Variants in VARS2 observed in about 807,000 individuals in gnomAD.
VARS2 encodes the protein valine--tRNA ligase, mitochondrial.
In VARS2, 105 loss-of-function variants were observed where a neutral mutation model predicts 154.1. That is an observed-to-expected ratio of 0.68 (90% confidence interval 0.58 to 0.80). The LOEUF is 0.80. Among genes scored for constraint, VARS2 ranks in the 30% least tolerant of loss-of-function variants. VARS2 has a pLI of 0.00. For missense variants in VARS2, 1,157 were observed against 1,361.4 expected, an observed-to-expected ratio of 0.85 and a Z score of 2.36; for synonymous variants, 483 against 539.5, an observed-to-expected ratio of 0.90 and a Z score of 1.45.
In VARS2 at chr6:30,922,958, T is replaced by C. The variant is rs1206693303; in HGVS notation, c.2167T>C (p.Cys723Arg). The C allele has an allele frequency of 1.2e-6, 2 of 1,610,472 alleles. No homozygotes were observed. The highest frequency in any genetic ancestry group is 1.3e-5 in the African/African-American group (1 of 74,900). Residue 723 changes from cysteine (C) to arginine (R), a missense_variant, in exon 23 of 30, where the codon TGC (cysteine) becomes CGC (arginine). Transcript: ENST00000676266. ...GACAGATGCCCTGAGATTCACACTC[T>C]GCTCCCATGGAGTTCAGGGTAAGCC... The part of the protein sequence containing the change: ...CGTDALRFTL[C>R]SHGVQAGDLH...
chr6:30,920,752 G>A lies in VARS2; in HGVS notation c.1479+3G>A. ...AAATGGGGGCCCGAGCTGCCAAGGT[G>A]AGGCTGCAGTGTAGGAAGGACTGGG... On this transcript the variant is annotated splice_donor_region_variant and intron_variant, in intron 15 of 29. Coordinates refer to ENST00000676266, the MANE Select transcript of VARS2 (RefSeq NM_020442.6). This position sits in a 1 kb window ranked among gnomAD's most constrained non-coding sequence, Gnocchi z 4.6. The A allele has an allele frequency of 1.9e-6, 3 of 1,586,372 alleles. No homozygotes were observed. The highest frequency in any genetic ancestry group is 2.6e-6 in the Non-Finnish European group (3 of 1,167,126).
Position 30,921,696 on chromosome 6 carries a change from G to T in VARS2, c.1735+5G>T, listed in dbSNP as rs1794525084. The T allele has an allele frequency of 6.3e-7, 1 of 1,599,790 alleles. No individual in the cohort carries two copies. The highest frequency in any genetic ancestry group is 2.2e-5 in the East Asian group (1 of 44,526). On this transcript the variant is annotated splice_donor_5th_base_variant and intron_variant, in intron 18 of 29. Coordinates refer to ENST00000676266, the MANE Select transcript of VARS2 (RefSeq NM_020442.6). This position sits in a 1 kb window ranked among gnomAD's most constrained non-coding sequence, Gnocchi z 4.6. ...CAGAGCTGACCCTGGAGAGGGGTGA[G>T]TGCCTGAGCTGGGGAGGGATGTACA...
In VARS2 at chr6:30,919,821, T is replaced by C; in HGVS notation, c.1138T>C (p.Tyr380His). The C allele has an allele frequency of 2.5e-6, 4 of 1,592,256 alleles. No homozygotes were observed. Among genetic ancestry groups the C allele is most frequent in the Non-Finnish European group, 8.6e-7 (1 of 1,164,982 alleles). ...MGQPLPLITD[Y>H]AVQPHVGTGA... ...GCAGCCTCTTCCCCTCATCACAGAC[T>C]ATGCTGTTCAGCCACATGTGGGCAC... is the stretch of plus-strand genomic sequence containing the variant. Residue 380 changes from tyrosine to histidine, a missense_variant, in exon 12 of 30, where the codon TAT (tyrosine) becomes CAT (histidine). Coordinates refer to ENST00000676266, the MANE Select transcript of VARS2 (RefSeq NM_020442.6). This position sits in a 1 kb window ranked among gnomAD's most constrained non-coding sequence, Gnocchi z 4.5.
rs374646292 is a variant in VARS2, at chr6:30,921,729, G to A, written c.1735+38G>A. On this transcript the variant is annotated intron_variant, in intron 18 of 29. Transcript: ENST00000676266. This position sits in a 1 kb window ranked among gnomAD's most constrained non-coding sequence, Gnocchi z 4.6. The stretch of plus-strand genomic sequence containing the variant: ...GCTGGGGAGGGATGTACAGGGGAGC[G>A]GGGGCCTGGGCATCTGGGCCTTTGA... The A allele has an allele frequency of 3.5e-5, 54 of 1,564,294 alleles. No homozygotes were observed. In the African/African-American group the frequency reaches 4.8e-4, roughly 14 times the overall value.
chr6:30,920,941 C>T lies in VARS2; in HGVS notation c.1480-124C>T, dbSNP rs897520626. The T allele has an allele frequency of 1.6e-6, 2 of 1,236,014 alleles. No individual in the cohort carries two copies. Among genetic ancestry groups the T allele is most frequent in the African/African-American group, 3.1e-5 (2 of 65,266 alleles). 76.6% of individuals were successfully genotyped at this position (1,236,014 alleles called of 1,614,324 possible). On this transcript the variant is annotated intron_variant, in intron 15 of 29. Coordinates refer to ENST00000676266, the MANE Select transcript of VARS2 (RefSeq NM_020442.6). The surrounding 1 kb of genome is among the most constrained non-coding windows in gnomAD (Gnocchi z 4.6). ...TCATATCCTTACTCAAGCCCAGAAT[C>T]TTGGCAAGAGGCTTGGGAGGTCCTT...
chr6:30,917,170 C>G lies in VARS2; in HGVS notation c.819C>G (p.Asn273Lys), dbSNP rs1187783563. 3 of 1,614,050 alleles carry G rather than the reference C, an allele frequency of 1.9e-6. No individual in the cohort carries two copies. The highest frequency in any genetic ancestry group is 2.5e-6 in the Non-Finnish European group (3 of 1,180,038). The part of the protein sequence containing the change: ...RLYKAGLLYR[N>K]HQLVNWSCAL... The stretch of plus-strand genomic sequence containing the variant: ...ACAAGGCGGGGTTGCTGTACCGGAA[C>G]CATCAGCTTGTCAACTGGTCATGTG... The change falls in exon 9 of 30, where the codon AAC becomes AAG. Residue 273 changes from asparagine (N) to lysine (K), a missense_variant. Asn to Lys is a moderately conservative substitution (Grantham distance 94, BLOSUM62 0). Coordinates refer to ENST00000676266, the MANE Select transcript of VARS2 (RefSeq NM_020442.6). This position sits in a 1 kb window ranked among gnomAD's most constrained non-coding sequence, Gnocchi z 4.4.
At chr6:30,925,246 G>A in intron 26 of VARS2, 28 bp from the exon 27 acceptor site, 1 of 1,585,862 alleles carries the variant, frequency 6.3e-7, no homozygotes, top group Non-Finnish European at 8.6e-7. Flanking sequence ...GAGCCCCTTT[G>A]CCAATTCTGG....
chr6:30,920,610 C>T lies in VARS2; in HGVS notation c.1398-58C>T. 1 of 1,424,300 alleles carries T rather than the reference C, an allele frequency of 7.0e-7. No homozygotes were observed. Among genetic ancestry groups the T allele is most frequent in the Non-Finnish European group, 9.5e-7 (1 of 1,054,748 alleles). 88.2% of individuals were successfully genotyped at this position (1,424,300 alleles called of 1,614,324 possible). ...GCCTGGCATGGCATGGGGTCTTGTG[C>T]CCCTGGGAGAAGTCACAGGGCCGGA... is the stretch of plus-strand genomic sequence containing the variant. On this transcript the variant is annotated intron_variant, in intron 14 of 29. Transcript: ENST00000676266. The surrounding 1 kb of genome is among the most constrained non-coding windows in gnomAD (Gnocchi z 4.6).
At position 30,915,746 on chromosome 6, in the gene VARS2, G is replaced by T; in HGVS notation, c.385G>T (p.Ala129Ser). The part of the protein sequence containing the change: ...REGFFKPEYQ[A>S]RLPQATGETF... ...CCTTTGACTTTTTTTCTTCCTCTAG[G>T]CCCGGCTGCCCCAAGCTACAGGGGA... The change falls in exon 5 of 30, where the codon GCC (alanine) becomes TCC (serine). Residue 129 changes from alanine to serine, a missense_variant and splice_region_variant. Coordinates refer to ENST00000676266, the MANE Select transcript of VARS2 (RefSeq NM_020442.6). 6.2e-7 allele frequency: 1 copy of T among 1,612,980 alleles called. No individual in the cohort carries two copies. Among genetic ancestry groups the T allele is most frequent in the Non-Finnish European group, 8.5e-7 (1 of 1,179,942 alleles).
Position 30,917,906 on chromosome 6 carries a change from A to G in VARS2, c.985+100A>G, listed in dbSNP as rs1339264871. 4 of 1,250,642 alleles carry G rather than the reference A, an allele frequency of 3.2e-6. No individual in the cohort carries two copies. In the Admixed American group the frequency reaches 6.4e-5, roughly 20 times the overall value. 77.5% of individuals were successfully genotyped at this position (1,250,642 alleles called of 1,614,324 possible). A position where few individuals can be genotyped will look rare whatever the true frequency, so the allele number is the denominator to read the frequency against. The stretch of plus-strand genomic sequence containing the variant: ...AGGAACCCATCAGTCCATCTCTCAC[A>G]TGTACCTTGGTAGTGTTCACCTCAG... On this transcript the variant is annotated intron_variant, in intron 10 of 29. Coordinates refer to ENST00000676266, the MANE Select transcript of VARS2 (RefSeq NM_020442.6). This position sits in a 1 kb window ranked among gnomAD's most constrained non-coding sequence, Gnocchi z 4.4.
In VARS2 at chr6:30,921,121, G is replaced by A. The variant is rs1483348883; in HGVS notation, c.1536G>A (p.Gln512=). Reference sequence around the variant, plus strand: ...CCTCCTTCCACCAGAAGAACTGGCAGCACTGGTTTTCCCATATTGGGTAAG... The same window carrying A: ...CCTCCTTCCACCAGAAGAACTGGCAACACTGGTTTTCCCATATTGGGTAAG... The part of the protein sequence containing the change: ...LSPSFHQKNW[Q]HWFSHIGDWC... Residue 512 remains glutamine (Q), a synonymous_variant, in exon 16 of 30, where the codon CAG becomes CAA. Coordinates refer to ENST00000676266, the MANE Select transcript of VARS2 (RefSeq NM_020442.6). This position sits in a 1 kb window ranked among gnomAD's most constrained non-coding sequence, Gnocchi z 4.6. 1 of 1,614,014 alleles carries A rather than the reference G, an allele frequency of 6.2e-7. No homozygotes were observed. The highest frequency in any genetic ancestry group is 1.1e-5 in the South Asian group (1 of 91,054).
chr6:30,923,613 A>T, intron 25 of VARS2, 108 bp downstream of exon 25: 1 of 1,470,762 alleles, frequency 6.8e-7, no homozygotes, highest in African/African-American at 1.4e-5. Flanking sequence ...TTGTCCCCTC[A>T]GTTAGGAGAG....
In VARS2 at chr6:30,923,228, G is replaced by A. The variant is rs1303749131; in HGVS notation, c.2310G>A (p.Glu770=). 3 of 1,613,128 alleles carry A rather than the reference G, an allele frequency of 1.9e-6. No individual in the cohort carries two copies. Among genetic ancestry groups the A allele is most frequent in the Admixed American group, 1.7e-5 (1 of 60,028 alleles). Residue 770 remains glutamate (E), a synonymous_variant, in exon 24 of 30, where the codon GAG becomes GAA. Transcript: ENST00000676266. ...LGEKFVPQPA[E]ELSPSSPMDA... ...AGAAATTTGTGCCACAGCCTGCTGA[G>A]GAGGTAAGAGAAAACAGAGGTGCTT...
Position 30,922,003 on chromosome 6 carries a change from G to A in VARS2, c.1806+8G>A, listed in dbSNP as rs1387548277. The A allele has an allele frequency of 1.9e-6, 3 of 1,612,978 alleles. No individual in the cohort carries two copies. Among genetic ancestry groups the A allele is most frequent in the Non-Finnish European group, 2.5e-6 (3 of 1,179,994 alleles). On this transcript the variant is annotated splice_region_variant and intron_variant, in intron 19 of 29. Coordinates refer to ENST00000676266, the MANE Select transcript of VARS2 (RefSeq NM_020442.6). ...CTGGGCTGGCCCCAAGAGGTGAGGT[G>A]GGTTGAGAGGGCGAAAGTGAAGGGG... is the stretch of plus-strand genomic sequence containing the variant.
chr6:30,915,896 TC>T, intron 5 of VARS2, 29 bp downstream of exon 5: 8 of 1,613,974 alleles, frequency 5.0e-6, no homozygotes, highest in Non-Finnish European at 6.8e-6. Flanking sequence ...CTGCTTGAGT[TC>T]TTGGAAGGGA....
At chr6:30,918,801 G>A in intron 10 of VARS2, 26 bp from the exon 11 acceptor site, 1 of 1,607,150 alleles carries the variant, frequency 6.2e-7, no homozygotes, top group African/African-American at 1.3e-5. Context: ...ATGACCAGCT[G>A]TAAGTGTTTA....
In VARS2 at chr6:30,925,305, G is replaced by T. The variant is rs183762975; in HGVS notation, c.2705G>T (p.Arg902Leu). Residue 902 changes from arginine to leucine, a missense_variant, in exon 27 of 30, where the codon CGC becomes CTC. Physicochemically the swap from Arg to Leu is moderately radical, Grantham distance 102. Coordinates refer to ENST00000676266, the MANE Select transcript of VARS2 (RefSeq NM_020442.6). ...EHWRQPELER[R>L]FSRVQEVVQV... Reference sequence around the variant, plus strand: ...TGGCGCCAGCCAGAGCTGGAGCGGCGCTTCTCCCGGGTCCAAGAGGTCGTG... The same window carrying T: ...TGGCGCCAGCCAGAGCTGGAGCGGCTCTTCTCCCGGGTCCAAGAGGTCGTG... The T allele has an allele frequency of 1.2e-6, 2 of 1,612,476 alleles. No homozygotes were observed. The highest frequency in any genetic ancestry group is 4.5e-5 in the East Asian group (2 of 44,848).
At position 30,917,594 on chromosome 6, in the gene VARS2, A is replaced by G; in HGVS notation, c.874-101A>G. On this transcript the variant is annotated intron_variant, in intron 9 of 29. Transcript: ENST00000676266. The surrounding 1 kb of genome is among the most constrained non-coding windows in gnomAD (Gnocchi z 4.4). ...AATCCTCCAAATGGCTTTTAGATGG[A>G]TTGCAGGGAGGCTGGGCAGATGGAT... 1.7e-6 allele frequency: 2 copies of G among 1,148,226 alleles called. No individual in the cohort carries two copies. The highest frequency in any genetic ancestry group is 2.4e-6 in the Non-Finnish European group (2 of 818,486). 71.1% of individuals were successfully genotyped at this position (1,148,226 alleles called of 1,614,324 possible).
intron 11 of VARS2, 62 bp downstream of exon 11, chr6:30,918,977 G>A: frequency 2.7e-6 from 4 of 1,465,664 alleles, no homozygotes; most frequent in Non-Finnish European, 3.8e-6. Flanking sequence ...CTTCTCTTGG[G>A]TTTTAAATGG....
Sources: gnomAD v4.1 joint callset for allele counts on GRCh38, gnomAD v4.1.1 for gene constraint, Gnocchi (gnomAD v3.1) non-coding constraint, MANE v1.5 for transcripts, NCBI Gene and HGNC (gene_info 2026-07-23, HGNC 2026-07-21) for gene names.